PRKCB: variants seen among roughly 807,000 people sequenced by gnomAD.
PRKCB encodes the protein protein kinase C beta, also known as protein kinase C beta type.
Under a neutral mutation model 81.5 loss-of-function variants are expected in PRKCB, and 13 were observed. The ratio of observed to expected loss-of-function variants is 0.16; its 90% CI spans 0.10 to 0.25. The LOEUF (loss-of-function observed/expected upper bound fraction) is 0.25. PRKCB is among the 10% of genes least tolerant of loss of function. The pLI is 1.00. For synonymous variants in PRKCB, 335 were observed against 321.4 expected (o/e 1.04, Z -0.45); for missense variants, 509 against 875.7 (o/e 0.58, Z 5.29).
At chr16:24,212,626 A>G (rs1324040259) in intron 16 of PRKCB, among the ~76,000 whole-genome samples, 1 of 151,778 alleles carries the variant, frequency 6.6e-6, no homozygotes, top group Non-Finnish European at 1.5e-5. Context: ...ACAGGCATGC[A>G]CCACCATGCC....
chr16:23,932,194 G>A (rs1044866343), intron 2 of PRKCB, among the ~76,000 whole-genome samples: 1 of 152,096 alleles, frequency 6.6e-6, no homozygotes, highest in Non-Finnish European at 1.5e-5. Flanking sequence ...GACCTCATTT[G>A]GAAATAAATT....
At chr16:24,027,966 C>T (rs1191698947) in intron 3 of PRKCB, among the ~76,000 whole-genome samples, 1 of 152,150 alleles carries the variant, frequency 6.6e-6, no homozygotes, top group Non-Finnish European at 1.5e-5. Flanking sequence ...GACAGGGTCT[C>T]ACTGTGTTGC....
intron 2 of PRKCB, among the ~76,000 whole-genome samples, chr16:23,980,999 C>T: frequency 6.6e-6 from 1 of 151,914 alleles, no homozygotes; most frequent in African/African-American, 2.4e-5. Context: ...TCTACTCCTT[C>T]CATCTGGGAT....
chr16:24,130,834 G>A (rs573806089), intron 9 of PRKCB, among the ~76,000 whole-genome samples: 13 of 152,288 alleles, frequency 8.5e-5, no homozygotes, highest in African/African-American at 3.1e-4. Flanking sequence ...AGAAAATATA[G>A]CCACGTGGCC....
rs117970504 is a variant in PRKCB, at chr16:23,873,275, A to G, written c.205+35869A>G. Among the ~76,000 whole-genome samples, 65 of 150,296 alleles carry G rather than the reference A, an allele frequency of 4.3e-4. No individual in the cohort carries two copies. The East Asian group carries it at 0.011, about 26-fold the overall frequency. Reference sequence around the variant, plus strand: ...ATCCCAGCTACTTGGGAGGAGACTGAGGCAGGAGAATTGCTTGAGCCTGGG... The same window carrying G: ...ATCCCAGCTACTTGGGAGGAGACTGGGGCAGGAGAATTGCTTGAGCCTGGG... On this transcript the variant is annotated intron_variant, in intron 2 of 16. Transcript: ENST00000643927.
chr16:23,897,824 C>CCCAT lies in PRKCB; in HGVS notation c.205+60434_205+60437dup, dbSNP rs543997316. 5.3e-3 allele frequency among the ~76,000 whole-genome samples: 807 copies of CCCAT among 152,122 alleles called. 3 individuals carry two copies. Among genetic ancestry groups the CCCAT allele is most frequent in the Middle Eastern group, 0.014 (4 of 294 alleles). On this transcript the variant is annotated intron_variant, in intron 2 of 16. Coordinates refer to ENST00000643927, the MANE Select transcript of PRKCB (RefSeq NM_002738.7). ...TTCTGCCATTTCTCTTTCCCTCTCT[C>CCCAT]CCATCCATCCATCCATCCACCCATC...
chr16:23,864,919 T>C (rs1321103503), intron 2 of PRKCB, among the ~76,000 whole-genome samples: 2 of 152,096 alleles, frequency 1.3e-5, no homozygotes, highest in Non-Finnish European at 2.9e-5. Flanking sequence ...TAGTGTCGGT[T>C]GTTTCCATCT....
At chr16:24,110,727 C>T (rs1462811870) in intron 7 of PRKCB, among the ~76,000 whole-genome samples, 1 of 151,908 alleles carries the variant, frequency 6.6e-6, no homozygotes, top group Non-Finnish European at 1.5e-5. Flanking sequence ...GCTATGTTGC[C>T]CAGGCTGATC....
chr16:24,025,146 G>A (rs964904279), intron 3 of PRKCB, among the ~76,000 whole-genome samples: 1 of 152,182 alleles, frequency 6.6e-6, no homozygotes, highest in African/African-American at 2.4e-5. Context: ...TCTCTCATCT[G>A]GCTCTAATCT....
At position 23,916,532 on chromosome 16, in the gene PRKCB, C is replaced by T. The variant is rs559899088; in HGVS notation, c.206-71976C>T. 3.3e-4 allele frequency among the ~76,000 whole-genome samples: 50 copies of T among 152,286 alleles called. No individual in the cohort carries two copies. In the South Asian group the frequency reaches 0.01, roughly 32 times the overall value. On this transcript the variant is annotated intron_variant, in intron 2 of 16. Transcript: ENST00000643927. Reference sequence around the variant, plus strand: ...TTATTGAAAGATTTCTCTCCTATCCCTAGCCCTTAGGCCACTCTGTTCACC... The same window carrying T: ...TTATTGAAAGATTTCTCTCCTATCCTTAGCCCTTAGGCCACTCTGTTCACC...
rs896172315 is a variant in PRKCB, at chr16:24,217,770, A to G, written c.*2954A>G. On this transcript the variant is annotated 3_prime_UTR_variant, in exon 17 of 17. Coordinates refer to ENST00000643927, the MANE Select transcript of PRKCB (RefSeq NM_002738.7). ...GGTTGATGAGACCAGGGGAGACCTA[A>G]AAAAAAGGCAGCTTTGTGTCTTCTA... is the stretch of plus-strand genomic sequence containing the variant. 1 of 985,354 alleles carries G rather than the reference A, an allele frequency of 1.0e-6. No homozygotes were observed. Among genetic ancestry groups the G allele is most frequent in the Non-Finnish European group, 1.2e-6 (1 of 829,936 alleles). 61.0% of individuals were successfully genotyped at this position (985,354 alleles called of 1,614,324 possible).
intron 16 of PRKCB, among the ~76,000 whole-genome samples, chr16:24,210,367 C>T (rs1968120437): frequency 6.6e-6 from 1 of 152,050 alleles, no homozygotes; most frequent in Non-Finnish European, 1.5e-5. Flanking sequence ...ACTTGCTGCT[C>T]CCTCTGCCTA....
chr16:24,078,219 G>A (rs548501160), intron 5 of PRKCB, among the ~76,000 whole-genome samples: 1 of 152,350 alleles, frequency 6.6e-6, no homozygotes, highest in South Asian at 2.1e-4. Flanking sequence ...CCAGAGCCAT[G>A]TCTGCAGCCG....
At position 24,123,693 on chromosome 16, in the gene PRKCB, G is replaced by A. The variant is rs143776985; in HGVS notation, c.919-142G>A. 1,400 of 774,892 alleles carry A rather than the reference G, an allele frequency of 1.8e-3. 12 individuals carry two copies. The highest frequency in any genetic ancestry group is 1.4e-3 in the Non-Finnish European group (699 of 485,950). 48.0% of individuals were successfully genotyped at this position (774,892 alleles called of 1,614,324 possible). A position where few individuals can be genotyped will look rare whatever the true frequency, so the allele number is the denominator to read the frequency against. ...AGGATGTCCGACAGGTTTCAGGCTT[G>A]TGGAGTGATGCATGGCTATGCTTTT... On this transcript the variant is annotated intron_variant, in intron 8 of 16. Coordinates refer to ENST00000643927, the MANE Select transcript of PRKCB (RefSeq NM_002738.7).
intron 2 of PRKCB, among the ~76,000 whole-genome samples, chr16:23,870,031 A>AG (rs957454762): frequency 2.0e-5 from 3 of 151,918 alleles, no homozygotes; most frequent in African/African-American, 7.3e-5. Context: ...GAAAAAAAAA[A>AG]AAAGGGTAAT....
intron 2 of PRKCB, among the ~76,000 whole-genome samples, chr16:23,957,744 C>T (rs905504840): frequency 6.6e-6 from 1 of 151,952 alleles, no homozygotes; most frequent in Non-Finnish European, 1.5e-5. Flanking sequence ...CACCAGGGTA[C>T]TGTGGTCATT....
intron 3 of PRKCB, among the ~76,000 whole-genome samples, chr16:24,001,728 C>T (rs1423221691): frequency 2.6e-5 from 4 of 151,950 alleles, no homozygotes; most frequent in Admixed American, 6.6e-5. Context: ...TTTAGAGCAA[C>T]GAAGAATTTC....
chr16:23,848,070 A>G (rs62030647), intron 2 of PRKCB, among the ~76,000 whole-genome samples: 4,118 of 152,226 alleles, frequency 0.027, 83 homozygotes, highest in South Asian at 0.062. Context: ...CGCAGTTGAG[A>G]TAGTGAGGAG....
At chr16:23,857,556 A>T (rs1962590333) in intron 2 of PRKCB, among the ~76,000 whole-genome samples, 1 of 152,082 alleles carries the variant, frequency 6.6e-6, no homozygotes, top group Non-Finnish European at 1.5e-5. Context: ...CCCACATGAC[A>T]GCTGGCCTCT....
Sources: gnomAD v4.1 joint callset for allele counts (sites outside exome capture counted in the v4.1 genomes callset) on GRCh38, gnomAD v4.1.1 for gene constraint, MANE v1.5 for transcripts, NCBI Gene and HGNC (gene_info 2026-07-23, HGNC 2026-07-21) for gene names.